VPS13B: variants seen among roughly 807,000 people sequenced by gnomAD.
VPS13B encodes the protein intermembrane lipid transfer protein VPS13B.
A neutral mutation model predicts 426.4 loss-of-function variants in VPS13B; 285 were observed. The ratio of observed to expected loss-of-function variants is 0.67; its 90% CI spans 0.61 to 0.74. The LOEUF is 0.74. Ranked by LOEUF, VPS13B falls within the 30% of genes least tolerant of loss-of-function variation. The pLI, the probability that VPS13B is intolerant of heterozygous loss-of-function variation, is 0.00. For missense variants in VPS13B, 4,537 were observed against 4,782.6 expected, an observed-to-expected ratio of 0.95 and a Z score of 1.51; for synonymous variants, 1,676 against 1,676.4, an observed-to-expected ratio of 1.00 and a Z score of 0.01.
chr8:99,433,311 G>A (rs575233062), intron 22 of VPS13B, among the ~76,000 whole-genome samples: 1 of 152,272 alleles, frequency 6.6e-6, no homozygotes, highest in African/African-American at 2.4e-5. Flanking sequence ...CAGGTGTCCA[G>A]GGCTTACCAG....
intron 31 of VPS13B, among the ~76,000 whole-genome samples, chr8:99,558,838 T>G (rs1035977453): frequency 6.6e-6 from 1 of 152,214 alleles, no homozygotes; most frequent in South Asian, 2.1e-4. Context: ...GTTCCAAGTC[T>G]TTGCTATTGT....
intron 17 of VPS13B, among the ~76,000 whole-genome samples, chr8:99,261,800 A>C (rs1009004070): frequency 2.6e-5 from 4 of 152,180 alleles, no homozygotes. Flanking sequence ...AGTGTGACAA[A>C]GACATGTAGG....
chr8:99,205,788 G>T (rs569294260), intron 17 of VPS13B, among the ~76,000 whole-genome samples: 3 of 152,028 alleles, frequency 2.0e-5, no homozygotes, highest in South Asian at 2.1e-4. Flanking sequence ...ATATCATCCC[G>T]CAGCTATTCA....
chr8:99,744,193 A>G (rs1180640870), intron 39 of VPS13B, among the ~76,000 whole-genome samples: 1 of 152,230 alleles, frequency 6.6e-6, no homozygotes, highest in Non-Finnish European at 1.5e-5. Flanking sequence ...GAAGACATTT[A>G]TGCAGCCAAA....
intron 36 of VPS13B, among the ~76,000 whole-genome samples, chr8:99,714,593 T>A (rs933036338): frequency 6.6e-6 from 1 of 152,206 alleles, no homozygotes; most frequent in South Asian, 2.1e-4. Context: ...GACACCACTT[T>A]AGCCATATGA....
At chr8:99,372,783 A>G (rs971479914) in intron 19 of VPS13B, among the ~76,000 whole-genome samples, 3 of 152,338 alleles carry the variant, frequency 2.0e-5, no homozygotes, top group South Asian at 2.1e-4. Flanking sequence ...AGAACCAGAA[A>G]TACCATTTGA....
At chr8:99,410,784 A>C (rs551140060) in intron 21 of VPS13B, among the ~76,000 whole-genome samples, 1 of 151,370 alleles carries the variant, frequency 6.6e-6, no homozygotes, top group Non-Finnish European at 1.5e-5. Context: ...TTGTTGTTCA[A>C]CTCCCACTTA....
intron 19 of VPS13B, among the ~76,000 whole-genome samples, chr8:99,378,092 G>A (rs1053468190): frequency 2.6e-4 from 37 of 144,034 alleles, no homozygotes; most frequent in Non-Finnish European, 1.9e-4. Flanking sequence ...TCCCTTACCT[G>A]CAACTGCATA....
chr8:99,014,693 A>C (rs1239349532), intron 2 of VPS13B, among the ~76,000 whole-genome samples: 19 of 106,232 alleles, frequency 1.8e-4, no homozygotes, highest in South Asian at 1.6e-3. Flanking sequence ...AAAAAAAGAC[A>C]AAAAAAAAAA....
rs547092829 is a variant in VPS13B, at chr8:99,586,160, A to G, written c.5220+8527A>G. ...GCCATATTAAGCTGTTTTCCATTGG[A>G]TGAGGAAAGCATAGCTTCCTGTTTG... On this transcript the variant is annotated intron_variant, in intron 33 of 61. Coordinates refer to ENST00000357162, the MANE Select transcript of VPS13B (RefSeq NM_152564.5). 4.6e-5 allele frequency among the ~76,000 whole-genome samples: 7 copies of G among 152,304 alleles called. 1 individual carries two copies. Among genetic ancestry groups the G allele is most frequent in the African/African-American group, 1.7e-4 (7 of 41,568 alleles).
At chr8:99,437,633 G>C (rs1020505384) in intron 22 of VPS13B, among the ~76,000 whole-genome samples, 6 of 152,044 alleles carry the variant, frequency 3.9e-5, no homozygotes, top group African/African-American at 1.4e-4. Context: ...CAGGAGAATC[G>C]CTTGAACCTG....
chr8:99,500,983 A>C (rs1250425207), intron 25 of VPS13B, among the ~76,000 whole-genome samples: 2 of 152,236 alleles, frequency 1.3e-5, no homozygotes, highest in African/African-American at 4.8e-5. Flanking sequence ...TTCAGAGTTC[A>C]GTATGTATTT....
intron 17 of VPS13B, among the ~76,000 whole-genome samples, chr8:99,228,724 G>A (rs1397057083): frequency 1.3e-5 from 2 of 151,984 alleles, no homozygotes; most frequent in African/African-American, 4.8e-5. Flanking sequence ...GAGGCACTGG[G>A]GTTTTTAATG....
intron 19 of VPS13B, chr8:99,341,797 C>T (rs1421079697): frequency 9.2e-6 from 3 of 327,340 alleles, no homozygotes; most frequent in Non-Finnish European, 1.9e-5. Context: ...CCAGAGCCCA[C>T]GTGGCACTGG....
intron 8 of VPS13B, among the ~76,000 whole-genome samples, chr8:99,130,422 C>G (rs569917573): frequency 4.7e-4 from 70 of 148,042 alleles, no homozygotes; most frequent in Non-Finnish European, 7.3e-4. Flanking sequence ...GAGTCTCACA[C>G]TGTTGCCCAG....
intron 3 of VPS13B, among the ~76,000 whole-genome samples, chr8:99,057,301 G>T (rs1843933613): frequency 6.6e-6 from 1 of 152,006 alleles, no homozygotes; most frequent in Non-Finnish European, 1.5e-5. Context: ...CTTTGGCAGA[G>T]CTCATTAGTA....
At chr8:99,509,307 A>G (rs1821660792) in intron 28 of VPS13B, among the ~76,000 whole-genome samples, 1 of 152,192 alleles carries the variant, frequency 6.6e-6, no homozygotes, top group South Asian at 2.1e-4. Flanking sequence ...ATCAAAAGAG[A>G]AACAGTGAAA....
intron 49 of VPS13B, among the ~76,000 whole-genome samples, chr8:99,820,558 T>G (rs1814300271): frequency 6.6e-6 from 1 of 152,176 alleles, no homozygotes; most frequent in South Asian, 2.1e-4. Context: ...CTTTCCTTTA[T>G]AGGTGGACTT....
chr8:99,566,898 T>C (rs1470914998), intron 31 of VPS13B, among the ~76,000 whole-genome samples: 1 of 152,162 alleles, frequency 6.6e-6, no homozygotes, highest in Non-Finnish European at 1.5e-5. Flanking sequence ...ACTATTGAAG[T>C]TTACTGGTTT....
Sources: gnomAD v4.1 joint callset for allele counts (sites outside exome capture counted in the v4.1 genomes callset) on GRCh38, gnomAD v4.1.1 for gene constraint, MANE v1.5 for transcripts, NCBI Gene and HGNC (gene_info 2026-07-23, HGNC 2026-07-21) for gene names.